Variants in WNT9B observed in about 807,000 individuals in gnomAD.
WNT9B encodes the protein protein Wnt-9b.
A neutral mutation model predicts 30.2 loss-of-function variants in WNT9B; 12 were observed. The ratio of observed to expected loss-of-function variants is 0.40; its 90% confidence interval spans 0.26 to 0.64. The LOEUF is 0.64. WNT9B is among the 30% of genes least tolerant of loss of function. The pLI is 0.42. For synonymous variants in WNT9B, 218 were observed against 216.9 expected, an observed-to-expected ratio of 1.01 and a Z score of -0.05; for missense variants, 442 against 485.2, an observed-to-expected ratio of 0.91 and a Z score of 0.84.
intron 3 of WNT9B, 133 bp downstream of exon 3, chr17:46,875,499 C>A: frequency 8.1e-7 from 1 of 1,235,052 alleles, no homozygotes; most frequent in Non-Finnish European, 1.1e-6. Context: ...GCAGGATGAA[C>A]TTCACGTCTT....
At chr17:46,838,358 GGCTTAT>G (rs2084658723) in intron 1 of WNT9B, among the ~76,000 whole-genome samples, 1 of 151,942 alleles carries the variant, frequency 6.6e-6, no homozygotes, top group African/African-American at 2.4e-5. Context: ...CAGGTGTGGT[GGCTTAT>G]GCTTGTAATC....
In WNT9B at chr17:46,872,524, G is replaced by T. The variant is rs147055144; in HGVS notation, c.85G>T (p.Gly29Trp). The T allele has an allele frequency of 1.3e-6, 2 of 1,538,606 alleles. No individual in the cohort carries two copies. Among genetic ancestry groups the T allele is most frequent in the Non-Finnish European group, 1.8e-6 (2 of 1,140,216 alleles). ...TCCTCTCGCTCTCTCTAGCCTGACC[G>T]GGCGGGAAGTCCTGACGCCCTTCCC... is the stretch of plus-strand genomic sequence containing the variant. The part of the protein sequence containing the change: ...AAAASYFGLT[G>W]REVLTPFPGL... The change falls in exon 2 of 4, where the codon GGG becomes TGG. Residue 29 changes from glycine to tryptophan, a missense_variant. Coordinates refer to ENST00000290015, the MANE Select transcript of WNT9B (RefSeq NM_003396.3).
downstream of WNT9B, chr17:46,884,895 C>T: frequency 3.0e-6 from 1 of 329,826 alleles, no homozygotes; most frequent in South Asian, 2.2e-5. Flanking sequence ...TGCTTCCTGA[C>T]TTGGTTCAAA....
chr17:46,875,017 G>A, intron 2 of WNT9B, 84 bp from the exon 3 acceptor site: 2 of 1,609,234 alleles, frequency 1.2e-6, no homozygotes, highest in East Asian at 2.2e-5. Flanking sequence ...CTGGCCCTCA[G>A]AGGGCGGCAG....
chr17:46,844,096 G>A (rs1397287624), intron 1 of WNT9B, among the ~76,000 whole-genome samples: 1 of 152,060 alleles, frequency 6.6e-6, no homozygotes, highest in Admixed American at 6.6e-5. Context: ...TGGGACTACA[G>A]GCATGTGCCA....
At chr17:46,869,409 C>T (rs1366109848) in intron 1 of WNT9B, among the ~76,000 whole-genome samples, 2 of 152,234 alleles carry the variant, frequency 1.3e-5, no homozygotes, top group Admixed American at 6.5e-5. Flanking sequence ...CCCTGGGCAT[C>T]GCGGACATTG....
intron 1 of WNT9B, among the ~76,000 whole-genome samples, chr17:46,866,268 G>A (rs922267800): frequency 2.0e-5 from 3 of 152,140 alleles, no homozygotes; most frequent in Non-Finnish European, 2.9e-5. Context: ...TCTCTTACTG[G>A]GCCAGGCACT....
intron 1 of WNT9B, among the ~76,000 whole-genome samples, chr17:46,856,011 C>T (rs1321773523): frequency 6.6e-6 from 1 of 152,104 alleles, no homozygotes; most frequent in Non-Finnish European, 1.5e-5. Context: ...TGTAAGTTAT[C>T]CGAGTGGCTT....
At chr17:46,841,803 C>T (rs538549488) in intron 1 of WNT9B, among the ~76,000 whole-genome samples, 1 of 152,362 alleles carries the variant, frequency 6.6e-6, no homozygotes, top group South Asian at 2.1e-4. Context: ...AGACCTTGAG[C>T]AACCACGTCC....
At chr17:46,871,626 A>T (rs148881859) in intron 1 of WNT9B, among the ~76,000 whole-genome samples, 1 of 152,282 alleles carries the variant, frequency 6.6e-6, no homozygotes, top group Non-Finnish European at 1.5e-5. Flanking sequence ...CAACCCTAGG[A>T]GGTAGAGAAG....
rs763186608 is a variant in WNT9B at position 46,876,438 on chromosome 17, C to T, written c.794C>T (p.Ala265Val). Residue 265 changes from alanine (A) to valine (V), a missense_variant, in exon 4 of 4, where the codon GCC (alanine) becomes GTC (valine). Physicochemically the swap from Ala to Val is moderately conservative, Grantham distance 64. Coordinates refer to ENST00000290015, the MANE Select transcript of WNT9B (RefSeq NM_003396.3). ...GGCCGCCTAGAGCTGTGGGCCCCTGCCAGGCAGGGCAGCCTCACCAAAGGC... is the reference window on the plus strand; with the variant it reads ...GGCCGCCTAGAGCTGTGGGCCCCTGTCAGGCAGGGCAGCCTCACCAAAGGC... ...ALGRLELWAP[A>V]RQGSLTKGLA... is the part of the protein sequence containing the mutation. The T allele has an allele frequency of 1.5e-5, 24 of 1,613,624 alleles. No homozygotes were observed. The South Asian group carries it at 2.6e-4, about 18-fold the overall frequency.
chr17:46,836,095 CGTGTGTGTGT>C (rs59862934), intron 1 of WNT9B, among the ~76,000 whole-genome samples: 56 of 126,502 alleles, frequency 4.4e-4, no homozygotes, highest in South Asian at 1.6e-3. Context: ...GAGACGCTGA[CGTGTGTGTGT>C]GTGTGTGTGT....
intron 1 of WNT9B, among the ~76,000 whole-genome samples, chr17:46,867,518 G>A (rs1360646942): frequency 2.6e-5 from 4 of 152,260 alleles, no homozygotes; most frequent in Non-Finnish European, 5.9e-5. Flanking sequence ...TGGGGCATGA[G>A]ATCCTTGGGC....
In WNT9B at chr17:46,879,138, T is replaced by C. The variant is rs902111696; in HGVS notation, c.*2420T>C. 6.6e-5 allele frequency among the ~76,000 whole-genome samples: 10 copies of C among 152,232 alleles called. No individual in the cohort carries two copies. The highest frequency in any genetic ancestry group is 2.2e-4 in the African/African-American group (9 of 41,456). On this transcript the variant is annotated 3_prime_UTR_variant, in exon 4 of 4. Coordinates refer to ENST00000290015, the MANE Select transcript of WNT9B (RefSeq NM_003396.3). The stretch of plus-strand genomic sequence containing the variant: ...GAATAATTTATATAGCTAAGATATA[T>C]GAGAAAGTATTTATATTATTTATAT...
chr17:46,854,055 G>T (rs2084899627), intron 1 of WNT9B, among the ~76,000 whole-genome samples: 1 of 152,158 alleles, frequency 6.6e-6, no homozygotes, highest in Admixed American at 6.5e-5. Flanking sequence ...GAGCCCAGCT[G>T]GAAAGAGCTG....
At chr17:46,883,976 G>T (rs1315893674), downstream of WNT9B, among the ~76,000 whole-genome samples, 1 of 152,154 alleles carries the variant, frequency 6.6e-6, no homozygotes, top group African/African-American at 2.4e-5. Flanking sequence ...CGTCTCAGGG[G>T]AGCTGAGCCC....
intron 1 of WNT9B, among the ~76,000 whole-genome samples, chr17:46,836,439 A>G (rs2084633557): frequency 6.6e-6 from 1 of 152,174 alleles, no homozygotes; most frequent in Non-Finnish European, 1.5e-5. Context: ...TGGGGTTTCA[A>G]GGGCAAAAAA....
At position 46,868,001 on chromosome 17, in the gene WNT9B, C is replaced by T. The variant is rs137872727; in HGVS notation, c.78-4516C>T. On this transcript the variant is annotated intron_variant, in intron 1 of 3. Coordinates refer to ENST00000290015, the MANE Select transcript of WNT9B (RefSeq NM_003396.3). ...GGGGGCAGCAAGGGGAGGAGGCGGC[C>T]GCTGTTCACCTGGGGTCATTGCTTT... is the stretch of plus-strand genomic sequence containing the variant. 8.6e-3 allele frequency among the ~76,000 whole-genome samples: 1,315 copies of T among 152,074 alleles called. 18 individuals are homozygous for T. Among genetic ancestry groups the T allele is most frequent in the African/African-American group, 0.03 (1,242 of 41,496 alleles).
rs1276337771 is a variant in WNT9B at position 46,851,942 on chromosome 17, C to T, written c.77+227C>T. Among the ~76,000 whole-genome samples the T allele has an allele frequency of 6.6e-6, 1 of 152,184 alleles. No homozygotes were observed. The highest frequency in any genetic ancestry group is 1.9e-4 in the East Asian group (1 of 5,198). On this transcript the variant is annotated intron_variant, in intron 1 of 3. Transcript: ENST00000290015. This position sits in a 1 kb window ranked among gnomAD's most constrained non-coding sequence, Gnocchi z 4.3. ...CCATCGCCCTGTTCAGTGTCCGAGT[C>T]TCTGGTCGCCCCCCAGCCGCCGCTC...
Sources: allele counts gnomAD v4.1 joint callset (sites outside exome capture counted in the v4.1 genomes callset), GRCh38; gene constraint gnomAD v4.1.1; non-coding constraint Gnocchi (gnomAD v3.1); transcripts MANE v1.5; gene names NCBI Gene and HGNC (gene_info 2026-07-23, HGNC 2026-07-21).